Variants in SLC35D4 observed in about 807,000 individuals in gnomAD.
SLC35D4 encodes UDP-N-acetylglucosamine transporter SLC35D4.
chr18:23,385,291 A>G, the SLC35D4 span, among the ~76,000 whole-genome samples: 1 of 152,184 alleles, frequency 6.6e-6, no homozygotes, highest in Admixed American at 6.5e-5. Flanking sequence ...ATCAACAAAC[A>G]TTTAAGTCTC....
At chr18:23,240,452 G>A in the SLC35D4 span, among the ~76,000 whole-genome samples, 353 of 152,342 alleles carry the variant, frequency 2.3e-3, 3 homozygotes, top group Admixed American at 3.9e-3. Context: ...GGGAGCTGCC[G>A]CTGAAACAGG....
chr18:23,257,439 A>G, the SLC35D4 span: 2 of 1,481,350 alleles, frequency 1.4e-6, no homozygotes, highest in Non-Finnish European at 1.8e-6. Flanking sequence ...ACTACTGGAA[A>G]TGAAAAAAAG....
chr18:23,370,155 C>T, the SLC35D4 span: 40 of 1,457,010 alleles, frequency 2.7e-5, no homozygotes, highest in Middle Eastern at 6.2e-4. Context: ...CTCCAGATCA[C>T]GCCATTGCAC....
the SLC35D4 span, among the ~76,000 whole-genome samples, chr18:23,244,014 T>G: frequency 2.0e-5 from 3 of 152,370 alleles, no homozygotes; most frequent in African/African-American, 7.2e-5. Flanking sequence ...TATTGCAACA[T>G]CTGCTCTCTT....
chr18:23,328,568 T>G, the SLC35D4 span, among the ~76,000 whole-genome samples: 1 of 152,132 alleles, frequency 6.6e-6, no homozygotes, highest in Non-Finnish European at 1.5e-5. Context: ...CACAAACAAA[T>G]GGAAGAATAT....
the SLC35D4 span, among the ~76,000 whole-genome samples, chr18:23,416,335 C>G: frequency 6.6e-6 from 1 of 152,206 alleles, no homozygotes; most frequent in Non-Finnish European, 1.5e-5. Context: ...TCTCCAGCCC[C>G]ACCATTACAA....
the SLC35D4 span, among the ~76,000 whole-genome samples, chr18:23,317,906 A>C: frequency 6.6e-6 from 1 of 151,880 alleles, no homozygotes; most frequent in Non-Finnish European, 1.5e-5. Context: ...CACCCAGGTA[A>C]TTTTTGTATT....
At chr18:23,310,499 A>T in the SLC35D4 span, among the ~76,000 whole-genome samples, 1 of 152,128 alleles carries the variant, frequency 6.6e-6, no homozygotes, top group South Asian at 2.1e-4. Flanking sequence ...TGTCTGCTTA[A>T]GGAAAGATGT....
At chr18:23,243,787 G>A in the SLC35D4 span, among the ~76,000 whole-genome samples, 8 of 150,414 alleles carry the variant, frequency 5.3e-5, no homozygotes, top group East Asian at 5.9e-4. Flanking sequence ...CAGGAGAATC[G>A]CTTGAACCCG....
chr18:23,293,937 C>T, the SLC35D4 span, among the ~76,000 whole-genome samples: 18 of 152,132 alleles, frequency 1.2e-4, no homozygotes, highest in African/African-American at 2.6e-4. Context: ...GACTTACAGG[C>T]GTGAGCCACC....
chr18:23,254,015 GA>G, the SLC35D4 span: 1 of 1,211,704 alleles, frequency 8.3e-7, no homozygotes, highest in Non-Finnish European at 1.2e-6. Flanking sequence ...TTCGGTCAGT[GA>G]CCCTGCCTGG....
chr18:23,289,463 C>T, the SLC35D4 span, among the ~76,000 whole-genome samples: 3 of 152,152 alleles, frequency 2.0e-5, no homozygotes, highest in African/African-American at 7.2e-5. Context: ...AATATCACCC[C>T]TTACCACAAA....
the SLC35D4 span, chr18:23,352,323 C>G: frequency 6.4e-7 from 1 of 1,567,766 alleles, no homozygotes; most frequent in African/African-American, 1.4e-5. Context: ...GTTAGTGAGG[C>G]TTGTCTTCCC....
the SLC35D4 span, chr18:23,253,685 CTA>C: frequency 1.3e-6 from 2 of 1,550,334 alleles, no homozygotes; most frequent in Non-Finnish European, 1.8e-6. Flanking sequence ...CACTGAAACT[CTA>C]AGTTTTCACA....
At chr18:23,396,334 A>G in the SLC35D4 span, among the ~76,000 whole-genome samples, 1 of 152,210 alleles carries the variant, frequency 6.6e-6, no homozygotes, top group Non-Finnish European at 1.5e-5. Context: ...TTATGGATTC[A>G]TTAAACTGAC....
the SLC35D4 span, among the ~76,000 whole-genome samples, chr18:23,434,314 T>C: frequency 6.6e-6 from 1 of 152,132 alleles, no homozygotes; most frequent in Non-Finnish European, 1.5e-5. Flanking sequence ...CCACTAGCTC[T>C]GACACTTCCC....
the SLC35D4 span, among the ~76,000 whole-genome samples, chr18:23,427,101 G>C: frequency 1.3e-5 from 2 of 152,164 alleles, no homozygotes; most frequent in Non-Finnish European, 2.9e-5. Context: ...TCAGGACATA[G>C]GCATGGGCAA....
At chr18:23,423,451 G>A in the SLC35D4 span, among the ~76,000 whole-genome samples, 14 of 152,174 alleles carry the variant, frequency 9.2e-5, no homozygotes, top group African/African-American at 2.9e-4. Context: ...GGAGAGGAGC[G>A]GAAGGTATGC....
chr18:23,355,407 G>A, the SLC35D4 span, among the ~76,000 whole-genome samples: 2 of 152,050 alleles, frequency 1.3e-5, no homozygotes, highest in African/African-American at 4.8e-5. Context: ...AGACTCAAAG[G>A]GAAACAAGTC....
Sources: gnomAD v4.1 joint callset for allele counts (sites outside exome capture counted in the v4.1 genomes callset) on GRCh38, gnomAD v4.1.1 for gene constraint, MANE v1.5 for transcripts, NCBI Gene and HGNC (gene_info 2026-07-23, HGNC 2026-07-21) for gene names.